PPP6R1: variants seen among roughly 807,000 people sequenced by gnomAD.
PPP6R1 encodes serine/threonine-protein phosphatase 6 regulatory subunit 1.
A neutral mutation model predicts 104.6 loss-of-function variants in PPP6R1; 39 were observed. That is an observed-to-expected ratio of 0.37 (90% CI 0.29 to 0.49). PPP6R1 has a LOEUF of 0.49. Ranked by LOEUF, PPP6R1 falls within the 20% of genes least tolerant of loss-of-function variation. The pLI is 0.98. For synonymous variants in PPP6R1, 549 were observed against 479.0 expected, an observed-to-expected ratio of 1.15 and a Z score of -1.91; for missense variants, 1,181 against 1,155.8, an observed-to-expected ratio of 1.02 and a Z score of -0.32.
intron 1 of PPP6R1, among the ~76,000 whole-genome samples, chr19:55,248,459 C>G (rs1214448366): frequency 6.6e-6 from 1 of 152,268 alleles, no homozygotes; most frequent in Non-Finnish European, 1.5e-5. Context: ...GCAGAGGCCA[C>G]TGCTACCCCC....
chr19:55,244,853 C>T (rs1033616463), intron 5 of PPP6R1, among the ~76,000 whole-genome samples: 6 of 152,012 alleles, frequency 3.9e-5, no homozygotes, highest in African/African-American at 1.5e-4. Context: ...AAGCAATCCT[C>T]CTACCTGAGC....
intron 17 of PPP6R1, 60 bp downstream of exon 17, chr19:55,236,583 G>T (rs950652329): frequency 7.3e-5 from 106 of 1,443,970 alleles, no homozygotes; most frequent in East Asian, 3.7e-4. Flanking sequence ...GTGTTGGGGG[G>T]ACCCCTTGGC....
At chr19:55,228,448 T>G (rs200475006), downstream of PPP6R1, 597 of 1,609,260 alleles carry the variant, frequency 3.7e-4, 1 homozygote, top group Non-Finnish European at 4.9e-4. Flanking sequence ...CTTTGGGGAG[T>G]GGGGAGCTAC....
chr19:55,254,229 G>A (rs988644860), intron 1 of PPP6R1, among the ~76,000 whole-genome samples: 7 of 152,248 alleles, frequency 4.6e-5, no homozygotes, highest in East Asian at 1.9e-4. Context: ...TCAAGAAAGC[G>A]GAAGTGACTA....
chr19:55,247,187 C>A (rs780831812), intron 1 of PPP6R1, 78 bp from the exon 2 acceptor site: 2 of 1,425,726 alleles, frequency 1.4e-6, no homozygotes, highest in South Asian at 2.3e-5. Flanking sequence ...ACCACAGGGG[C>A]TGAGTGCCCA....
chr19:55,232,460 T>C (rs1299716971), intron 17 of PPP6R1: 1 of 459,328 alleles, frequency 2.2e-6, no homozygotes, highest in Non-Finnish European at 3.8e-6. Context: ...TCGCCAGTCA[T>C]CCGTGGAGGG....
chr19:55,234,555 T>C (rs947830780), intron 17 of PPP6R1, among the ~76,000 whole-genome samples: 5 of 152,076 alleles, frequency 3.3e-5, no homozygotes, highest in Non-Finnish European at 5.9e-5. Flanking sequence ...ATAAAACTCT[T>C]AGAAGAAAAG....
At chr19:55,244,385 G>T (rs1224998174) in intron 5 of PPP6R1, among the ~76,000 whole-genome samples, 1 of 152,238 alleles carries the variant, frequency 6.6e-6, no homozygotes, top group African/African-American at 2.4e-5. Flanking sequence ...CATGGACATG[G>T]GGTCCCCCAG....
rs147296604 is a variant in PPP6R1 at position 55,231,155 on chromosome 19, T to C, written c.2459+255A>G. Among the ~76,000 whole-genome samples the C allele has an allele frequency of 3.1e-3, 475 of 152,210 alleles. 1 individual carries two copies. The highest frequency in any genetic ancestry group is 4.3e-3 in the Non-Finnish European group (291 of 67,986). On this transcript the variant is annotated intron_variant, in intron 21 of 23. Coordinates refer to ENST00000412770, the MANE Select transcript of PPP6R1 (RefSeq NM_014931.4). ...GCCCCAAAGGGTCTTCTGCATGCTC[T>C]CACCCTCCCAATCCTTCACACCCTC...
chr19:55,228,616 C>G (rs113343347), downstream of PPP6R1: 1 of 1,549,368 alleles, frequency 6.5e-7, no homozygotes, highest in African/African-American at 1.4e-5. Context: ...AGGACAGCAG[C>G]TCCCAGACCC....
chr19:55,242,212 T>C lies in PPP6R1; in HGVS notation c.799A>G (p.Ser267Gly), dbSNP rs369043729. Residue 267 changes from serine to glycine, a missense_variant, in exon 7 of 24, where the codon AGT (serine) becomes GGT (glycine). By Grantham distance (56) the Ser-to-Gly change is moderately conservative. This residue lies in a region of PPP6R1 where 1,042 missense variants were observed against 955.6 expected (regional missense o/e 1.09). Coordinates refer to ENST00000412770, the MANE Select transcript of PPP6R1 (RefSeq NM_014931.4). ...AGGGTCAGCAGCACCTGGATCCCACTGACGATGACAGACTGGCTCTGCTCC... is the reference window on the plus strand; with the variant it reads ...AGGGTCAGCAGCACCTGGATCCCACCGACGATGACAGACTGGCTCTGCTCC... Reference protein sequence around the residue: ...EGEQSQSVIVSGIQVLLTLLE... With the variant: ...EGEQSQSVIVGGIQVLLTLLE... 8.1e-6 allele frequency: 13 copies of C among 1,613,698 alleles called. No homozygotes were observed. The highest frequency in any genetic ancestry group is 1.0e-5 in the Non-Finnish European group (12 of 1,179,874).
Position 55,241,190 on chromosome 19 carries a change from C to T in PPP6R1, c.1161+49G>A, listed in dbSNP as rs2087453231. Reference sequence around the variant, plus strand: ...CAGCCCCCGAACCCTCAGCCCAGTCCAGTCCCCGCCCCAGCCCCTGAACCC... The same window carrying T: ...CAGCCCCCGAACCCTCAGCCCAGTCTAGTCCCCGCCCCAGCCCCTGAACCC... On this transcript the variant is annotated intron_variant, in intron 9 of 23. Coordinates refer to ENST00000412770, the MANE Select transcript of PPP6R1 (RefSeq NM_014931.4). This position sits in a 1 kb window ranked among gnomAD's most constrained non-coding sequence, Gnocchi z 5.4. The T allele has an allele frequency of 2.0e-6, 3 of 1,495,698 alleles. No homozygotes were observed. The highest frequency in any genetic ancestry group is 1.8e-6 in the Non-Finnish European group (2 of 1,122,740). 92.7% of individuals were successfully genotyped at this position (1,495,698 alleles called of 1,614,324 possible). A position where few individuals can be genotyped will look rare whatever the true frequency, so the allele number is the denominator to read the frequency against.
chr19:55,234,748 A>T (rs946087534), intron 17 of PPP6R1, among the ~76,000 whole-genome samples: 5 of 152,242 alleles, frequency 3.3e-5, no homozygotes, highest in Non-Finnish European at 5.9e-5. Context: ...CATGCATGGC[A>T]CTGCCCCACT....
chr19:55,239,345 A>G (rs1481256262), intron 15 of PPP6R1, 60 bp downstream of exon 15: 1 of 1,485,742 alleles, frequency 6.7e-7, no homozygotes, highest in African/African-American at 1.4e-5. Flanking sequence ...AGATACAAGT[A>G]GGCGCGCCTG....
chr19:55,240,061 C>T lies in PPP6R1; in HGVS notation c.1415G>A (p.Gly472Asp). 1 of 1,603,068 alleles carries T rather than the reference C, an allele frequency of 6.2e-7. No homozygotes were observed. Among genetic ancestry groups the T allele is most frequent in the Non-Finnish European group, 8.5e-7 (1 of 1,176,304 alleles). Reference sequence around the variant, plus strand: ...CTTCTCCGTGTTCTGCACCAGGGCACCGGCCACTCTTGTCAGGTGACCCAT... The same window carrying T: ...CTTCTCCGTGTTCTGCACCAGGGCATCGGCCACTCTTGTCAGGTGACCCAT... ...GYMGHLTRVAGALVQNTEKGP... is the reference protein window; with the variant it reads ...GYMGHLTRVADALVQNTEKGP... Residue 472 changes from glycine to aspartate, a missense_variant, in exon 12 of 24, where the codon GGT becomes GAT. Gly to Asp is a moderately conservative substitution (Grantham distance 94). Transcript: ENST00000412770.
intron 1 of PPP6R1, 196 bp from the exon 2 acceptor site, chr19:55,247,305 C>A: frequency 1.7e-6 from 1 of 604,634 alleles, no homozygotes; most frequent in South Asian, 2.0e-5. Flanking sequence ...AGGCTTAAGG[C>A]TCCCAGTGAG....
intron 1 of PPP6R1, among the ~76,000 whole-genome samples, chr19:55,252,376 C>A (rs141506426): frequency 6.8e-6 from 1 of 146,088 alleles, no homozygotes; most frequent in Non-Finnish European, 1.5e-5. Flanking sequence ...ACTACAGGTG[C>A]GCACCACCAT....
chr19:55,255,405 T>A (rs1489160650), intron 1 of PPP6R1, among the ~76,000 whole-genome samples: 1 of 152,128 alleles, frequency 6.6e-6, no homozygotes, highest in East Asian at 1.9e-4. Flanking sequence ...AAAGCTTGCA[T>A]TCCCATTTGA....
At chr19:55,236,327 G>C in intron 17 of PPP6R1, 2 of 289,754 alleles carry the variant, frequency 6.9e-6, no homozygotes, top group South Asian at 7.7e-5. Flanking sequence ...TCTAACTTTT[G>C]TATTTTTTGT....
Sources: gnomAD v4.1 joint callset for allele counts (sites outside exome capture counted in the v4.1 genomes callset) on GRCh38, gnomAD v4.1.1 for gene constraint, gnomAD v4.1.1 regional missense constraint, Gnocchi (gnomAD v3.1) non-coding constraint, MANE v1.5 for transcripts, NCBI Gene and HGNC (gene_info 2026-07-23, HGNC 2026-07-21) for gene names.